The following RHBDD1 variants were observed in gnomAD, a reference collection of about 807,000 sequenced individuals.
RHBDD1 encodes rhomboid-related protein 4.
A neutral mutation model predicts 36.3 loss-of-function variants in RHBDD1; 38 were observed. The observed-to-expected ratio is 1.05, with a 90% confidence interval of 0.81 to 1.37. The LOEUF (loss-of-function observed/expected upper bound fraction) is 1.37, where lower values mean the gene tolerates loss of function less well. RHBDD1 is among the 40% of genes most tolerant of loss of function. RHBDD1 has a pLI of 0.00. For synonymous variants in RHBDD1, 151 were observed against 136.5 expected (o/e 1.11, Z -0.74); for missense variants, 393 against 377.6 (o/e 1.04, Z -0.34).
At chr2:226,802,954 T>C in the RHBDD1 span, among the ~76,000 whole-genome samples, 5 of 152,248 alleles carry the variant, frequency 3.3e-5, no homozygotes, top group Admixed American at 6.5e-5. Context: ...GATTATTACA[T>C]ATATCTGTAA....
the RHBDD1 span, chr2:226,804,105 C>T: frequency 1.3e-5 from 2 of 152,192 alleles, no homozygotes; most frequent in African/African-American, 4.8e-5. Flanking sequence ...AAAAATTCTA[C>T]TTAACTGAGG....
At chr2:226,827,413 T>C in the RHBDD1 span, among the ~76,000 whole-genome samples, 1 of 152,238 alleles carries the variant, frequency 6.6e-6, no homozygotes, top group Non-Finnish European at 1.5e-5. Flanking sequence ...ATATTGCACA[T>C]GATGGCATAC....
At chr2:226,908,619 A>T in intron 6 of RHBDD1, 1 of 568,198 alleles carries the variant, frequency 1.8e-6, no homozygotes, top group South Asian at 2.2e-5. Context: ...ACACACACAC[A>T]CATTCTTTTC....
upstream of RHBDD1, among the ~76,000 whole-genome samples, chr2:226,833,431 G>T (rs186891091): frequency 1.3e-3 from 193 of 152,294 alleles, no homozygotes; most frequent in Non-Finnish European, 2.2e-3. Context: ...CTACCTTCCT[G>T]CCAGTCCTGG....
chr2:226,907,038 A>G (rs1948113387), intron 6 of RHBDD1, 157 bp downstream of exon 6: 1 of 740,506 alleles, frequency 1.4e-6, no homozygotes. Flanking sequence ...CAACCAGTGC[A>G]GTTCCTTACA....
chr2:226,846,747 CAAAAAA>C (rs11366796), intron 3 of RHBDD1, among the ~76,000 whole-genome samples: 1 of 70,114 alleles, frequency 1.4e-5, no homozygotes, highest in East Asian at 4.4e-4. Context: ...AATGCCATCT[CAAAAAA>C]AAAAAAAAAA....
intron 6 of RHBDD1, 176 bp from the exon 7 acceptor site, chr2:226,908,646 C>CAT: frequency 3.2e-6 from 2 of 620,374 alleles, no homozygotes; most frequent in Non-Finnish European, 5.8e-6. Flanking sequence ...GGGACACACA[C>CAT]ACACTCTTTT....
At chr2:226,972,252 A>G (rs1953673972) in intron 8 of RHBDD1, among the ~76,000 whole-genome samples, 1 of 152,204 alleles carries the variant, frequency 6.6e-6, no homozygotes, top group Non-Finnish European at 1.5e-5. Context: ...TGCAAAGGAC[A>G]TGATCTCATT....
intron 8 of RHBDD1, among the ~76,000 whole-genome samples, chr2:226,971,409 C>T (rs1953473499): frequency 6.6e-6 from 1 of 152,184 alleles, no homozygotes; most frequent in South Asian, 2.1e-4. Flanking sequence ...TGAAGCAGAA[C>T]GGGCATCTTC....
chr2:226,940,950 CT>C (rs1194250936), intron 8 of RHBDD1, among the ~76,000 whole-genome samples: 244 of 145,960 alleles, frequency 1.7e-3, no homozygotes, highest in Middle Eastern at 3.6e-3. Context: ...TTTCTTTTTC[CT>C]TTTTTTTTTT....
intron 8 of RHBDD1, among the ~76,000 whole-genome samples, chr2:226,945,956 C>T (rs1237067258): frequency 4.6e-5 from 7 of 151,920 alleles, no homozygotes; most frequent in South Asian, 2.1e-4. Flanking sequence ...TGTCTTCTTT[C>T]GAGAAGTGTC....
At chr2:226,839,946 A>G (rs1043595963) in intron 3 of RHBDD1, among the ~76,000 whole-genome samples, 5 of 152,206 alleles carry the variant, frequency 3.3e-5, no homozygotes, top group East Asian at 1.9e-4. Flanking sequence ...TTATAGCCCT[A>G]TCATTTTTTT....
At chr2:226,962,352 C>T (rs1455343165) in intron 8 of RHBDD1, among the ~76,000 whole-genome samples, 4 of 152,190 alleles carry the variant, frequency 2.6e-5, no homozygotes, top group Non-Finnish European at 5.9e-5. Context: ...TTGATATTTA[C>T]AAGTCTCATA....
At chr2:226,810,028 T>C in the RHBDD1 span, among the ~76,000 whole-genome samples, 2 of 152,166 alleles carry the variant, frequency 1.3e-5, no homozygotes, top group Non-Finnish European at 2.9e-5. Context: ...TCTTGGAATC[T>C]CTATAGAACT....
intron 8 of RHBDD1, among the ~76,000 whole-genome samples, chr2:226,987,635 AGGCCC>A (rs1957285661): frequency 6.6e-6 from 1 of 152,232 alleles, no homozygotes; most frequent in South Asian, 2.1e-4. Flanking sequence ...TCAGAGGTCC[AGGCCC>A]CCCTCTGGGT....
intron 8 of RHBDD1, among the ~76,000 whole-genome samples, chr2:226,924,000 G>C (rs1178975038): frequency 1.3e-5 from 2 of 152,044 alleles, no homozygotes; most frequent in Non-Finnish European, 2.9e-5. Context: ...GCTCTACCCT[G>C]CTGTGGCCAA....
chr2:226,852,901 TTTA>T (rs34006366), intron 3 of RHBDD1, among the ~76,000 whole-genome samples: 7,052 of 124,976 alleles, frequency 0.056, 209 homozygotes, highest in Non-Finnish European at 0.071. Flanking sequence ...ACCTGGCTAA[TTTA>T]TTATTATTAT....
intron 8 of RHBDD1, among the ~76,000 whole-genome samples, chr2:226,975,570 G>T (rs1397477717): frequency 1.3e-5 from 2 of 152,114 alleles, no homozygotes; most frequent in African/African-American, 4.8e-5. Context: ...CCCTCCTAAT[G>T]AAATGGGCAG....
At chr2:226,910,367 G>A (rs558248328) in intron 7 of RHBDD1, among the ~76,000 whole-genome samples, 2 of 152,240 alleles carry the variant, frequency 1.3e-5, no homozygotes, top group South Asian at 2.1e-4. Flanking sequence ...TTCTTCAAAG[G>A]CAGAGCTACT....
Sources: allele counts gnomAD v4.1 joint callset (sites outside exome capture counted in the v4.1 genomes callset), GRCh38; gene constraint gnomAD v4.1.1; transcripts MANE v1.5; gene names NCBI Gene and HGNC (gene_info 2026-07-23, HGNC 2026-07-21).